The following CD36 variants were observed in gnomAD, a reference collection of about 807,000 sequenced individuals.
CD36 encodes platelet glycoprotein 4.
A neutral mutation model predicts 55.2 loss-of-function variants in CD36; 119 were observed. The ratio of observed to expected loss-of-function variants is 2.15; its 90% CI spans 1.86 to 2.51. The LOEUF (loss-of-function observed/expected upper bound fraction) is 2.51. Among genes scored for constraint, CD36 ranks in the 30% most tolerant of loss-of-function variants. CD36 has a pLI of 0.00. For synonymous variants in CD36, 186 were observed against 193.6 expected, an observed-to-expected ratio of 0.96 and a Z score of 0.33; for missense variants, 819 against 555.5, an observed-to-expected ratio of 1.47 and a Z score of -4.77.
At chr7:80,634,887 TA>T (rs1362327583), upstream of CD36, among the ~76,000 whole-genome samples, 7 of 151,876 alleles carry the variant, frequency 4.6e-5, no homozygotes, top group Non-Finnish European at 1.0e-4. Context: ...GTTTATGGAA[TA>T]AAAATGTAAA....
chr7:80,615,898 C>T (rs1793123749), intron 1 of CD36, among the ~76,000 whole-genome samples: 2 of 152,138 alleles, frequency 1.3e-5, no homozygotes, highest in South Asian at 4.1e-4. Context: ...GTTCACTTTT[C>T]ATTTGTCAGG....
In CD36 at chr7:80,631,328, T is replaced by C. The variant is rs575174047; in HGVS notation, c.-183-14760T>C. 6.6e-5 allele frequency among the ~76,000 whole-genome samples: 10 copies of C among 152,098 alleles called. No individual in the cohort carries two copies. In the South Asian group the frequency reaches 1.2e-3, roughly 19 times the overall value. ...AGGGCTCATGATAACTAAACCTACATAGGAGAGTTAGAAGGATGAAAGATT... is the reference window on the plus strand; with the variant it reads ...AGGGCTCATGATAACTAAACCTACACAGGAGAGTTAGAAGGATGAAAGATT... On this transcript the variant is annotated intron_variant, in intron 1 of 13. Coordinates refer to the CD36 transcript ENST00000309881.
intron 3 of CD36, among the ~76,000 whole-genome samples, chr7:80,648,589 C>CT (rs1242390861): frequency 6.6e-6 from 1 of 151,840 alleles, no homozygotes; most frequent in Non-Finnish European, 1.5e-5. Flanking sequence ...TCAAAATGTG[C>CT]TTTTGTATAA....
At chr7:80,672,170 C>T (rs1420573705) in intron 11 of CD36, 130 bp downstream of exon 11, 6 of 785,712 alleles carry the variant, frequency 7.6e-6, no homozygotes, top group African/African-American at 1.7e-5. Flanking sequence ...TTGAAAGTTA[C>T]TGAAACTTAG....
intron 1 of CD36, among the ~76,000 whole-genome samples, chr7:80,631,735 T>G (rs147844944): frequency 1.1e-4 from 17 of 151,814 alleles, no homozygotes; most frequent in Non-Finnish European, 2.1e-4. Flanking sequence ...AATATACTCA[T>G]GTAAACATGA....
At position 80,621,234 on chromosome 7, in the gene CD36, CATACTT is replaced by C. The variant is rs1333120767; in HGVS notation, c.-184+18856_-184+18861del. Among the ~76,000 whole-genome samples the C allele has an allele frequency of 3.3e-5, 5 of 152,230 alleles. No homozygotes were observed. The East Asian group carries it at 9.7e-4, about 29-fold the overall frequency. On this transcript the variant is annotated intron_variant, in intron 1 of 13. Transcript: ENST00000309881. ...TTAATAGACTATAGTATAGGGTAAA[CATACTT>C]TTCTATGCAGTGGGAAACAAAATTT...
At chr7:80,664,606 T>C in intron 7 of CD36, 109 bp downstream of exon 7, 2 of 743,606 alleles carry the variant, frequency 2.7e-6, no homozygotes, top group East Asian at 2.5e-5. Context: ...AGAACAGACC[T>C]GGTTATAATT....
At chr7:80,609,601 A>C (rs1792760807) in intron 1 of CD36, among the ~76,000 whole-genome samples, 1 of 152,190 alleles carries the variant, frequency 6.6e-6, no homozygotes, top group Non-Finnish European at 1.5e-5. Context: ...GTCCAAACTA[A>C]GAATACTTTA....
intron 8 of CD36, among the ~76,000 whole-genome samples, chr7:80,668,046 C>T (rs1797294502): frequency 6.6e-6 from 1 of 151,952 alleles, no homozygotes; most frequent in East Asian, 1.9e-4. Flanking sequence ...CACACCTGGC[C>T]AAGGCTTTGC....
In CD36 at chr7:80,671,958, A is replaced by T. The variant is rs41478146; in HGVS notation, c.1043A>T (p.Tyr348Phe). Residue 348 changes from tyrosine to phenylalanine, a missense_variant, in exon 11 of 15, where the codon TAT becomes TTT. Coordinates refer to ENST00000447544, the MANE Select transcript of CD36 (RefSeq NM_001001548.3). ...TACATTTCACTTCCTCATTTTCTGTATGCAAGTCCTGATGTTTCAGAACCT... is the reference window on the plus strand; with the variant it reads ...TACATTTCACTTCCTCATTTTCTGTTTGCAAGTCCTGATGTTTCAGAACCT... Reference protein sequence around the residue: ...PVYISLPHFLYASPDVSEPID... With the variant: ...PVYISLPHFLFASPDVSEPID... The T allele has an allele frequency of 8.4e-4, 1,361 of 1,611,224 alleles. 13 individuals carry two copies. In the African/African-American group the frequency reaches 0.016, roughly 19 times the overall value.
chr7:80,667,879 T>C (rs1797275711), intron 8 of CD36, among the ~76,000 whole-genome samples: 1 of 151,084 alleles, frequency 6.6e-6, no homozygotes, highest in African/African-American at 2.4e-5. Context: ...ATCTCATGAG[T>C]AGTTGGGACT....
intron 8 of CD36, among the ~76,000 whole-genome samples, chr7:80,667,746 T>C (rs1289354011): frequency 8.5e-6 from 1 of 118,318 alleles, no homozygotes; most frequent in African/African-American, 3.1e-5. Flanking sequence ...GGTTTTCTTT[T>C]GTTTTTTTTT....
At chr7:80,640,231 T>G (rs1794715777) in intron 1 of CD36, among the ~76,000 whole-genome samples, 1 of 152,008 alleles carries the variant, frequency 6.6e-6, no homozygotes, top group Non-Finnish European at 1.5e-5. Flanking sequence ...ATTTGCATAT[T>G]TTAATTCCAT....
At chr7:80,639,273 G>A (rs1794652468) in intron 1 of CD36, among the ~76,000 whole-genome samples, 4 of 151,890 alleles carry the variant, frequency 2.6e-5, no homozygotes, top group Admixed American at 2.6e-4. Flanking sequence ...ATGATCAAAT[G>A]CAATGTGTAT....
chr7:80,656,199 G>A (rs1796043026), intron 3 of CD36, among the ~76,000 whole-genome samples: 1 of 151,966 alleles, frequency 6.6e-6, no homozygotes, highest in South Asian at 2.1e-4. Flanking sequence ...TTTGAACTTC[G>A]GTAAAATTTG....
intron 1 of CD36, among the ~76,000 whole-genome samples, chr7:80,617,225 C>A (rs1181013725): frequency 6.6e-6 from 1 of 151,874 alleles, no homozygotes; most frequent in Non-Finnish European, 1.5e-5. Flanking sequence ...CACATGGGGG[C>A]CTTTCAGAGG....
chr7:80,671,233 C>T (rs1488814254), intron 10 of CD36, 69 bp downstream of exon 10: 46 of 1,068,286 alleles, frequency 4.3e-5, no homozygotes, highest in Non-Finnish European at 4.5e-5. Context: ...GAGAACTTTA[C>T]CATAATCCTT....
chr7:80,664,283 T>C (rs564214180), intron 6 of CD36, 123 bp from the exon 7 acceptor site: 1 of 672,396 alleles, frequency 1.5e-6, no homozygotes, highest in South Asian at 1.6e-5. Flanking sequence ...AAAAAATGTA[T>C]TGCAGATGTA....
In CD36 at chr7:80,674,048, C is replaced by A. The variant is rs1169206209; in HGVS notation, c.1320C>A (p.Leu440=). The A allele has an allele frequency of 6.2e-7, 1 of 1,611,774 alleles. No individual in the cohort carries two copies. The highest frequency in any genetic ancestry group is 1.3e-5 in the African/African-American group (1 of 74,838). ...FRSQVTGKIN[L]LGLIEMILLS... ...GTCAAGTAACTGGAAAAATAAACCT[C>A]CTTGGCCTGATAGAAATGATCTTAC... The change falls in exon 14 of 15, where the codon CTC becomes CTA. Residue 440 remains leucine (L), a synonymous_variant. Coordinates refer to ENST00000447544, the MANE Select transcript of CD36 (RefSeq NM_001001548.3).
Sources: allele counts gnomAD v4.1 joint callset (sites outside exome capture counted in the v4.1 genomes callset), GRCh38; gene constraint gnomAD v4.1.1; transcripts MANE v1.5; gene names NCBI Gene and HGNC (gene_info 2026-07-23, HGNC 2026-07-21).